PLCB1: variants seen among roughly 807,000 people sequenced by gnomAD.
The protein encoded by PLCB1 is phospholipase C beta 1, also known as 1-phosphatidylinositol 4,5-bisphosphate phosphodiesterase beta-1.
PLCB1 carries 46 observed loss-of-function variants against 161.8 expected under a neutral mutation model. The observed-to-expected ratio is 0.28, with a 90% CI of 0.22 to 0.36. PLCB1 has a LOEUF of 0.36. PLCB1 is among the 10% of genes least tolerant of loss of function. PLCB1 has a pLI of 1.00. For missense variants in PLCB1, 1,016 were observed against 1,472.5 expected (o/e 0.69, Z 5.07); for synonymous variants, 517 against 503.7 (o/e 1.03, Z -0.35).
chr20:8,465,394 C>T (rs886795142), intron 3 of PLCB1, among the ~76,000 whole-genome samples: 1 of 151,990 alleles, frequency 6.6e-6, no homozygotes, highest in Non-Finnish European at 1.5e-5. Flanking sequence ...TCACTTAGTG[C>T]TCAATTCATC....
At chr20:8,242,721 T>G (rs1980685540) in intron 2 of PLCB1, among the ~76,000 whole-genome samples, 1 of 151,866 alleles carries the variant, frequency 6.6e-6, no homozygotes, top group Admixed American at 6.6e-5. Context: ...AAGCAGGATT[T>G]ATTGACTGGT....
intron 2 of PLCB1, among the ~76,000 whole-genome samples, chr20:8,339,044 T>C (rs1328219180): frequency 1.3e-5 from 2 of 152,216 alleles, no homozygotes. Context: ...TTATCTACTG[T>C]CCAGTTGATG....
chr20:8,622,738 C>G (rs1330996603), intron 3 of PLCB1, among the ~76,000 whole-genome samples: 1 of 134,182 alleles, frequency 7.5e-6, no homozygotes, highest in South Asian at 2.7e-4. Context: ...CAATCATCTC[C>G]AAAATAAATT....
chr20:8,625,504 T>C (rs1168714811), intron 3 of PLCB1, among the ~76,000 whole-genome samples: 1 of 152,178 alleles, frequency 6.6e-6, no homozygotes, highest in African/African-American at 2.4e-5. Context: ...GTTTTAAAGA[T>C]AAAATGACCA....
chr20:8,523,015 A>G (rs940665346), intron 3 of PLCB1, among the ~76,000 whole-genome samples: 1 of 152,172 alleles, frequency 6.6e-6, no homozygotes, highest in Admixed American at 6.5e-5. Context: ...AATGTTGGCC[A>G]TAGAGCATGA....
At chr20:8,746,411 A>G (rs1263029230) in intron 23 of PLCB1, among the ~76,000 whole-genome samples, 1 of 152,214 alleles carries the variant, frequency 6.6e-6, no homozygotes, top group Non-Finnish European at 1.5e-5. Flanking sequence ...CATAAATGCA[A>G]TATTTGAATA....
At chr20:8,302,038 A>G (rs191857983) in intron 2 of PLCB1, among the ~76,000 whole-genome samples, 1 of 152,352 alleles carries the variant, frequency 6.6e-6, no homozygotes, top group African/African-American at 2.4e-5. Flanking sequence ...GAAGAGTAAA[A>G]GTGTCAGTAA....
intron 28 of PLCB1, 28 bp from the exon 29 acceptor site, chr20:8,788,605 T>C (rs1568599914): frequency 6.3e-7 from 1 of 1,597,894 alleles, no homozygotes; most frequent in Admixed American, 1.7e-5. Flanking sequence ...TGCCTCTTTT[T>C]TCTCTTTTAC....
intron 31 of PLCB1, among the ~76,000 whole-genome samples, chr20:8,824,324 A>G (rs1985583599): frequency 6.6e-6 from 1 of 152,224 alleles, no homozygotes; most frequent in Non-Finnish European, 1.5e-5. Context: ...CATAGACCCC[A>G]GAACCTGTTC....
intron 31 of PLCB1, among the ~76,000 whole-genome samples, chr20:8,853,610 T>G (rs1040897868): frequency 6.6e-6 from 1 of 152,208 alleles, no homozygotes; most frequent in Non-Finnish European, 1.5e-5. Flanking sequence ...TTAGGTTGTT[T>G]CCAGCTTTTG....
intron 2 of PLCB1, among the ~76,000 whole-genome samples, chr20:8,287,212 T>C (rs1013353520): frequency 1.3e-5 from 2 of 152,118 alleles, no homozygotes; most frequent in African/African-American, 4.8e-5. Flanking sequence ...GTAAACTTAG[T>C]CCATATTTAT....
At chr20:8,771,896 C>CCTTCCTTCCTTG (rs1473093954) in intron 26 of PLCB1, among the ~76,000 whole-genome samples, 5 of 151,970 alleles carry the variant, frequency 3.3e-5, no homozygotes, top group African/African-American at 1.2e-4. Context: ...TTCCTTCCTT[C>CCTTCCTTCCTTG]CTTTCGACAG....
intron 3 of PLCB1, among the ~76,000 whole-genome samples, chr20:8,381,483 CT>C (rs561362217): frequency 2.3e-3 from 357 of 152,234 alleles, no homozygotes; most frequent in Non-Finnish European, 4.1e-3. Context: ...GGAGTCCCCC[CT>C]TTTCATTTGT....
At chr20:8,767,550 G>A (rs1016142512) in intron 26 of PLCB1, among the ~76,000 whole-genome samples, 31 of 152,086 alleles carry the variant, frequency 2.0e-4, no homozygotes, top group Non-Finnish European at 3.2e-4. Flanking sequence ...CAATGCAGAC[G>A]CTGCCTCTAA....
chr20:8,227,869 G>C (rs959382195), intron 2 of PLCB1, among the ~76,000 whole-genome samples: 1 of 152,264 alleles, frequency 6.6e-6, no homozygotes, highest in South Asian at 2.1e-4. Context: ...TTGATGCATG[G>C]ATGAAGCAAG....
intron 3 of PLCB1, among the ~76,000 whole-genome samples, chr20:8,590,817 C>CTT (rs1987126353): frequency 1.3e-5 from 2 of 152,092 alleles, no homozygotes; most frequent in Admixed American, 6.5e-5. Context: ...AATAATCCTA[C>CTT]TTTAATTTTT....
intron 3 of PLCB1, among the ~76,000 whole-genome samples, chr20:8,466,796 T>C (rs900455332): frequency 3.3e-5 from 5 of 152,138 alleles, no homozygotes; most frequent in Admixed American, 1.3e-4. Context: ...CATGCATACA[T>C]TTGGCCATCA....
intron 3 of PLCB1, among the ~76,000 whole-genome samples, chr20:8,547,971 G>A (rs1277989068): frequency 6.6e-6 from 1 of 151,968 alleles, no homozygotes; most frequent in East Asian, 1.9e-4. Flanking sequence ...TCTTCCCTTA[G>A]TTATACTTTT....
At chr20:8,509,455 A>G (rs143602703) in intron 3 of PLCB1, among the ~76,000 whole-genome samples, 152 of 152,328 alleles carry the variant, frequency 1.0e-3, no homozygotes, top group African/African-American at 3.4e-3. Context: ...AGTGCTTGCC[A>G]CTTTGTTTGT....
Sources: allele counts gnomAD v4.1 joint callset (sites outside exome capture counted in the v4.1 genomes callset), GRCh38; gene constraint gnomAD v4.1.1; transcripts MANE v1.5; gene names NCBI Gene and HGNC (gene_info 2026-07-23, HGNC 2026-07-21).